SGCD: variants seen among roughly 807,000 people sequenced by gnomAD.
SGCD encodes the protein sarcoglycan delta.
Under a neutral mutation model 36.6 loss-of-function variants are expected in SGCD, and 18 were observed. That is an observed-to-expected ratio of 0.49 (90% CI 0.34 to 0.73). SGCD has a LOEUF of 0.73. SGCD is among the 30% of genes least tolerant of loss of function. The pLI is 0.01. For synonymous variants in SGCD, 133 were observed against 130.6 expected (o/e 1.02, Z -0.12); for missense variants, 387 against 346.7 (o/e 1.12, Z -0.92).
chr5:156,020,931 T>C (rs1382787927), intron 1 of SGCD, among the ~76,000 whole-genome samples: 1 of 152,202 alleles, frequency 6.6e-6, no homozygotes, highest in Non-Finnish European at 1.5e-5. Flanking sequence ...TATTGAGTGA[T>C]TATGTCTGGA....
intron 1 of SGCD, among the ~76,000 whole-genome samples, chr5:155,942,330 G>GTATCTATC (rs1272237547): frequency 0.063 from 8,536 of 135,284 alleles, 318 homozygotes; most frequent in Middle Eastern, 0.12. Context: ...ATGTATGTAT[G>GTATCTATC]TATGTATCTA....
At chr5:156,071,362 T>A (rs1297516683) in intron 1 of SGCD, among the ~76,000 whole-genome samples, 2 of 152,216 alleles carry the variant, frequency 1.3e-5, no homozygotes, top group Non-Finnish European at 2.9e-5. Flanking sequence ...AAGAACATCT[T>A]TATTTCTGCC....
intron 1 of SGCD, among the ~76,000 whole-genome samples, chr5:155,937,373 AC>A (rs1449054948): frequency 6.6e-6 from 1 of 152,214 alleles, no homozygotes; most frequent in East Asian, 1.9e-4. Flanking sequence ...ATTCCAGGTA[AC>A]CTCCTCCTAA....
the SGCD span, among the ~76,000 whole-genome samples, chr5:155,773,611 C>CT: frequency 2.5e-3 from 385 of 152,156 alleles, 1 homozygote; most frequent in African/African-American, 8.1e-3. Context: ...TTTGGGAAGA[C>CT]GGATATGTGA....
chr5:156,332,706 C>G (rs1768128001), intron 2 of SGCD, among the ~76,000 whole-genome samples: 1 of 152,146 alleles, frequency 6.6e-6, no homozygotes, highest in Non-Finnish European at 1.5e-5. Context: ...GCCAAGAATC[C>G]AGACCTCAAA....
intron 3 of SGCD, among the ~76,000 whole-genome samples, chr5:156,187,164 C>A (rs1395445442): frequency 2.0e-5 from 3 of 152,080 alleles, no homozygotes; most frequent in Admixed American, 6.6e-5. Flanking sequence ...TAGAGATAAT[C>A]ATAAACCAAG....
intron 6 of SGCD, among the ~76,000 whole-genome samples, chr5:156,618,556 T>G (rs1762104256): frequency 1.4e-5 from 2 of 144,958 alleles, no homozygotes; most frequent in South Asian, 4.3e-4. Flanking sequence ...GGGGTTTCAT[T>G]TGAAATGCTA....
intron 7 of SGCD, among the ~76,000 whole-genome samples, chr5:156,713,959 C>T (rs157673): frequency 0.057 from 8,649 of 152,242 alleles, 413 homozygotes; most frequent in East Asian, 0.21. Context: ...GGTATGAGTC[C>T]CAATTGTGTC....
intron 3 of SGCD, among the ~76,000 whole-genome samples, chr5:156,355,580 C>A (rs1004410943): frequency 1.4e-4 from 22 of 152,244 alleles, no homozygotes; most frequent in East Asian, 9.7e-4. Flanking sequence ...CCATATTCTC[C>A]CAACTTGTAA....
rs188225084 is a variant in SGCD, at chr5:156,567,601, G to A, written c.295-21630G>A. Among the ~76,000 whole-genome samples the A allele has an allele frequency of 7.1e-4, 108 of 152,196 alleles. 1 individual carries two copies. The highest frequency in any genetic ancestry group is 2.5e-3 in the African/African-American group (105 of 41,512). On this transcript the variant is annotated intron_variant, in intron 4 of 8. Coordinates refer to ENST00000337851, the MANE Select transcript of SGCD (RefSeq NM_000337.6). ...CTTCGTCCTGTTTAGGCCTTCAACT[G>A]AATCTATGAGGCCTACCCATATTAT...
At chr5:156,415,175 A>G (rs1380840587) in intron 3 of SGCD, among the ~76,000 whole-genome samples, 1 of 152,196 alleles carries the variant, frequency 6.6e-6, no homozygotes, top group Non-Finnish European at 1.5e-5. Context: ...AAGAAGATGA[A>G]TCTTAATACA....
intron 1 of SGCD, among the ~76,000 whole-genome samples, chr5:156,106,109 CAAAAAAAA>C (rs1159337817): frequency 3.4e-4 from 12 of 34,912 alleles, no homozygotes; most frequent in African/African-American, 7.2e-4. Flanking sequence ...GACTCTGCCT[CAAAAAAAA>C]AAAAAAAAAA....
intron 3 of SGCD, among the ~76,000 whole-genome samples, chr5:156,285,431 C>A (rs1038845860): frequency 7.1e-4 from 108 of 152,142 alleles, no homozygotes; most frequent in Admixed American, 2.0e-3. Context: ...CAATACTACA[C>A]GGCTACAGTA....
At chr5:156,501,858 C>T (rs189425305) in intron 3 of SGCD, among the ~76,000 whole-genome samples, 3 of 152,274 alleles carry the variant, frequency 2.0e-5, no homozygotes, top group African/African-American at 4.8e-5. Flanking sequence ...ATGTACTTTA[C>T]AGACTTCAGG....
At chr5:156,501,399 C>A (rs765428051) in intron 3 of SGCD, among the ~76,000 whole-genome samples, 1 of 152,182 alleles carries the variant, frequency 6.6e-6, no homozygotes, top group East Asian at 1.9e-4. Context: ...GGGAAGGAGA[C>A]AAGAGGAAGA....
At chr5:156,727,670 T>G (rs1205071495) in intron 7 of SGCD, among the ~76,000 whole-genome samples, 2 of 131,302 alleles carry the variant, frequency 1.5e-5, no homozygotes, top group African/African-American at 5.1e-5. Flanking sequence ...TAGATCTGGG[T>G]TTTTTTCTGT....
chr5:156,108,134 C>T (rs1041063007), intron 1 of SGCD, among the ~76,000 whole-genome samples: 21 of 152,118 alleles, frequency 1.4e-4, no homozygotes, highest in Non-Finnish European at 2.9e-4. Flanking sequence ...CCTTTCCAGT[C>T]CTTGGCACTA....
At position 156,717,642 on chromosome 5, in the gene SGCD, A is replaced by G. The variant is rs1307429101; in HGVS notation, c.576-39939A>G. Among the ~76,000 whole-genome samples the G allele has an allele frequency of 3.3e-5, 5 of 152,304 alleles. No homozygotes were observed. The East Asian group carries it at 9.7e-4, about 29-fold the overall frequency. ...ATTTCATATGCAAACCATCTAATCT[A>G]GGGAACATATCCAACCACCTCCATG... is the stretch of plus-strand genomic sequence containing the variant. On this transcript the variant is annotated intron_variant, in intron 7 of 8. Transcript: ENST00000337851.
intron 1 of SGCD, among the ~76,000 whole-genome samples, chr5:155,900,822 T>C (rs1756372889): frequency 6.6e-6 from 1 of 152,118 alleles, no homozygotes; most frequent in Non-Finnish European, 1.5e-5. Context: ...TTTTTCCAAC[T>C]TGAGGTATAA....
Sources: allele counts gnomAD v4.1 joint callset (sites outside exome capture counted in the v4.1 genomes callset), GRCh38; gene constraint gnomAD v4.1.1; transcripts MANE v1.5; gene names NCBI Gene and HGNC (gene_info 2026-07-23, HGNC 2026-07-21).